ST6GALNAC3: variants seen among roughly 807,000 people sequenced by gnomAD.
ST6GALNAC3 encodes the protein ST6 N-acetylgalactosaminide alpha-2,6-sialyltransferase 3.
A neutral mutation model predicts 32.7 loss-of-function variants in ST6GALNAC3; 25 were observed. That is an observed-to-expected ratio of 0.76 (90% CI 0.56 to 1.07). The LOEUF (loss-of-function observed/expected upper bound fraction) is 1.07. ST6GALNAC3 is among the 50% of genes least tolerant of loss of function. The pLI, the probability that ST6GALNAC3 is intolerant of heterozygous loss-of-function variation, is 0.00. For synonymous variants in ST6GALNAC3, 129 were observed against 133.1 expected, an observed-to-expected ratio of 0.97 and a Z score of 0.21; for missense variants, 355 against 382.4, an observed-to-expected ratio of 0.93 and a Z score of 0.60.
intron 1 of ST6GALNAC3, among the ~76,000 whole-genome samples, chr1:76,149,334 C>T (rs768451095): frequency 1.8e-4 from 28 of 152,120 alleles, no homozygotes; most frequent in Admixed American, 2.6e-4. Context: ...AGAGAAGGCT[C>T]AAACATGAGG....
intron 1 of ST6GALNAC3, among the ~76,000 whole-genome samples, chr1:76,092,124 C>A (rs1647055363): frequency 1.3e-5 from 2 of 152,180 alleles, no homozygotes; most frequent in South Asian, 4.1e-4. Context: ...CAGAATGGTA[C>A]AAGTGGAAAC....
chr1:76,143,591 A>G (rs915166084), intron 1 of ST6GALNAC3, among the ~76,000 whole-genome samples: 5 of 152,270 alleles, frequency 3.3e-5, no homozygotes, highest in East Asian at 1.9e-4. Flanking sequence ...ATAATACCAA[A>G]GTGTTGTTGT....
At chr1:76,440,313 C>T (rs1349593122) in intron 3 of ST6GALNAC3, among the ~76,000 whole-genome samples, 8 of 152,124 alleles carry the variant, frequency 5.3e-5, no homozygotes, top group Admixed American at 5.2e-4. Context: ...AATTTGTGAC[C>T]CTAATGTTTA....
At chr1:76,092,569 C>G (rs1647063435) in intron 1 of ST6GALNAC3, among the ~76,000 whole-genome samples, 1 of 152,132 alleles carries the variant, frequency 6.6e-6, no homozygotes, top group Non-Finnish European at 1.5e-5. Flanking sequence ...GAGAAGTAAA[C>G]TGAGGTGACA....
At position 76,314,003 on chromosome 1, in the gene ST6GALNAC3, A is replaced by G; in HGVS notation, c.213+4A>G. On this transcript the variant is annotated splice_donor_region_variant and intron_variant, in intron 2 of 4. Transcript: ENST00000328299. Reference sequence around the variant, plus strand: ...CATAAATGTGAAGACACAAGAGGTAAGATCCCAGAGGGTTACCTAGCAGTT... The same window carrying G: ...CATAAATGTGAAGACACAAGAGGTAGGATCCCAGAGGGTTACCTAGCAGTT... 1.9e-6 allele frequency: 3 copies of G among 1,610,180 alleles called. No individual in the cohort carries two copies. Among genetic ancestry groups the G allele is most frequent in the Non-Finnish European group, 2.5e-6 (3 of 1,178,014 alleles).
rs763425009 is a variant in ST6GALNAC3 at position 76,602,807 on chromosome 1, C to A, written c.624-24645C>A. 3.0e-4 allele frequency among the ~76,000 whole-genome samples: 46 copies of A among 151,600 alleles called. 1 individual carries two copies. The highest frequency in any genetic ancestry group is 4.0e-4 in the Non-Finnish European group (27 of 67,916). On this transcript the variant is annotated intron_variant, in intron 3 of 4. Transcript: ENST00000328299. ...ATGTTTCTGAGATAAAAAGCAAACA[C>A]ACAAGCCACAGTAGGAGGAAATAAT...
chr1:76,569,510 C>T (rs1276386997), intron 3 of ST6GALNAC3, among the ~76,000 whole-genome samples: 1 of 152,098 alleles, frequency 6.6e-6, no homozygotes, highest in Non-Finnish European at 1.5e-5. Flanking sequence ...GTGACACGTT[C>T]AAAATAAAAT....
At chr1:76,407,487 A>C (rs188489167) in intron 2 of ST6GALNAC3, among the ~76,000 whole-genome samples, 4 of 152,196 alleles carry the variant, frequency 2.6e-5, no homozygotes, top group Admixed American at 2.0e-4. Flanking sequence ...CCTTAAATAA[A>C]AGGAAGTGTT....
intron 2 of ST6GALNAC3, among the ~76,000 whole-genome samples, chr1:76,375,282 A>G (rs572884212): frequency 6.6e-6 from 1 of 152,308 alleles, no homozygotes; most frequent in East Asian, 1.9e-4. Context: ...TTGTAAGAAA[A>G]ATTATTTCCT....
Position 76,543,486 on chromosome 1 carries a change from T to C in ST6GALNAC3, c.624-83966T>C, listed in dbSNP as rs1046291136. Among the ~76,000 whole-genome samples, 51 of 152,214 alleles carry C rather than the reference T, an allele frequency of 3.4e-4. 1 individual carries two copies. Among genetic ancestry groups the C allele is most frequent in the Non-Finnish European group, 8.8e-5 (6 of 68,042 alleles). On this transcript the variant is annotated intron_variant, in intron 3 of 4. Transcript: ENST00000328299. ...TAAATATTTTTATCTTCAGATCTTA[T>C]CACATCAGAAAAAAATATGCAGATA...
chr1:76,596,182 C>A (rs1455354391), intron 3 of ST6GALNAC3, among the ~76,000 whole-genome samples: 1 of 152,150 alleles, frequency 6.6e-6, no homozygotes, highest in Admixed American at 6.6e-5. Flanking sequence ...ACTCTTCGAC[C>A]TCCTGCTTTA....
At chr1:76,508,399 G>C (rs1661615125) in intron 3 of ST6GALNAC3, among the ~76,000 whole-genome samples, 1 of 152,124 alleles carries the variant, frequency 6.6e-6, no homozygotes, top group African/African-American at 2.4e-5. Flanking sequence ...TAGGGTTAGG[G>C]ACTCCTGCCT....
intron 1 of ST6GALNAC3, among the ~76,000 whole-genome samples, chr1:76,139,272 A>G (rs1332542050): frequency 6.6e-6 from 1 of 152,200 alleles, no homozygotes; most frequent in African/African-American, 2.4e-5. Context: ...ATATATGCAC[A>G]CTTAAGCACA....
At chr1:76,581,005 G>A (rs918744509) in intron 3 of ST6GALNAC3, among the ~76,000 whole-genome samples, 1 of 152,108 alleles carries the variant, frequency 6.6e-6, no homozygotes, top group Non-Finnish European at 1.5e-5. Context: ...TCTGGAGAGG[G>A]TGGAGGTAGC....
chr1:76,460,459 C>T (rs1363680725), intron 3 of ST6GALNAC3, among the ~76,000 whole-genome samples: 2 of 152,166 alleles, frequency 1.3e-5, no homozygotes, highest in African/African-American at 2.4e-5. Context: ...CCACTATTCA[C>T]TAAGAGGGTC....
At chr1:76,357,820 A>G (rs1402139836) in intron 2 of ST6GALNAC3, among the ~76,000 whole-genome samples, 2 of 152,184 alleles carry the variant, frequency 1.3e-5, no homozygotes, top group Non-Finnish European at 2.9e-5. Flanking sequence ...TTCAATGGCA[A>G]TTCAAAAATA....
intron 1 of ST6GALNAC3, among the ~76,000 whole-genome samples, chr1:76,218,966 A>G (rs1026670978): frequency 6.6e-5 from 10 of 152,234 alleles, no homozygotes; most frequent in Admixed American, 5.2e-4. Flanking sequence ...TGTAACAATT[A>G]TATAGTGTAG....
At chr1:76,191,296 TA>T (rs990744011) in intron 1 of ST6GALNAC3, among the ~76,000 whole-genome samples, 256 of 141,560 alleles carry the variant, frequency 1.8e-3, no homozygotes, top group Admixed American at 1.8e-3. Context: ...ACGTGGATTC[TA>T]AAAAAAAAAA....
At chr1:76,340,952 T>C (rs1215216251) in intron 2 of ST6GALNAC3, among the ~76,000 whole-genome samples, 1 of 151,990 alleles carries the variant, frequency 6.6e-6, no homozygotes, top group Non-Finnish European at 1.5e-5. Context: ...AATCCGCTTG[T>C]AACTGAAAGG....
Sources: allele counts gnomAD v4.1 joint callset (sites outside exome capture counted in the v4.1 genomes callset), GRCh38; gene constraint gnomAD v4.1.1; transcripts MANE v1.5; gene names NCBI Gene and HGNC (gene_info 2026-07-23, HGNC 2026-07-21).